The following AUTS2 variants were observed in gnomAD, a reference collection of about 807,000 sequenced individuals.
AUTS2 encodes the protein autism susceptibility gene 2 protein.
A neutral mutation model predicts 112.4 loss-of-function variants in AUTS2; 17 were observed. The ratio of observed to expected loss-of-function variants is 0.15; its 90% confidence interval spans 0.10 to 0.23. AUTS2 has a LOEUF of 0.23. Among genes scored for constraint, AUTS2 ranks in the 10% least tolerant of loss-of-function variants. The probability of loss-of-function intolerance (pLI) is 1.00; values close to 1 mark genes in which losing one functional copy is unlikely to be tolerated. For missense variants in AUTS2, 1,510 were observed against 1,701.6 expected, an observed-to-expected ratio of 0.89 and a Z score of 1.98; for synonymous variants, 751 against 702.7, an observed-to-expected ratio of 1.07 and a Z score of -1.09.
chr7:69,706,364 T>C (rs1041015679), intron 1 of AUTS2, among the ~76,000 whole-genome samples: 3 of 152,042 alleles, frequency 2.0e-5, no homozygotes, highest in Non-Finnish European at 2.9e-5. Context: ...GTTCTGTTAG[T>C]AAGTGAGGGG....
At chr7:69,655,947 A>G (rs1043799094) in intron 1 of AUTS2, among the ~76,000 whole-genome samples, 4 of 152,188 alleles carry the variant, frequency 2.6e-5, no homozygotes, top group Admixed American at 2.6e-4. Context: ...AGGCATGGGG[A>G]CAGAAACCTT....
intron 1 of AUTS2, among the ~76,000 whole-genome samples, chr7:69,747,681 C>T (rs1445779497): frequency 5.9e-5 from 9 of 152,036 alleles, no homozygotes; most frequent in Admixed American, 4.6e-4. Context: ...ACCGCATGAG[C>T]TGCTTGGAGT....
At chr7:69,994,259 C>T (rs1018767149) in intron 2 of AUTS2, among the ~76,000 whole-genome samples, 23 of 152,148 alleles carry the variant, frequency 1.5e-4, no homozygotes, top group Non-Finnish European at 2.9e-4. Flanking sequence ...AATTGGTTTT[C>T]TAAGTTAAAG....
intron 5 of AUTS2, among the ~76,000 whole-genome samples, chr7:70,487,721 C>T (rs979559675): frequency 2.0e-5 from 3 of 152,044 alleles, no homozygotes; most frequent in South Asian, 4.1e-4. Flanking sequence ...GGACTGGAGG[C>T]GTGCTGACAA....
chr7:70,441,102 A>C (rs185260369), intron 5 of AUTS2, among the ~76,000 whole-genome samples: 59 of 152,318 alleles, frequency 3.9e-4, no homozygotes, highest in Middle Eastern at 6.8e-3. Flanking sequence ...ATGTCTGTAG[A>C]TACCGGGCAT....
At chr7:69,760,060 AT>A (rs2129284234) in intron 1 of AUTS2, among the ~76,000 whole-genome samples, 1 of 151,854 alleles carries the variant, frequency 6.6e-6, no homozygotes, top group Non-Finnish European at 1.5e-5. Flanking sequence ...ATTTTCTTCC[AT>A]TGTATAGTAT....
chr7:70,469,929 C>G (rs933525911), intron 5 of AUTS2, among the ~76,000 whole-genome samples: 10 of 152,142 alleles, frequency 6.6e-5, no homozygotes, highest in Non-Finnish European at 8.8e-5. Context: ...CATGAGCCAC[C>G]GCGCCCAGCC....
chr7:70,707,255 G>A (rs1809789375), intron 6 of AUTS2, among the ~76,000 whole-genome samples: 1 of 152,188 alleles, frequency 6.6e-6, no homozygotes, highest in Non-Finnish European at 1.5e-5. Context: ...AGTTAGATAT[G>A]AATAGCTAGC....
intron 4 of AUTS2, among the ~76,000 whole-genome samples, chr7:70,284,918 T>C (rs929447639): frequency 1.3e-5 from 2 of 152,242 alleles, no homozygotes; most frequent in Admixed American, 6.5e-5. Context: ...CTTTCTGAGA[T>C]GCAGGGATTT....
intron 2 of AUTS2, among the ~76,000 whole-genome samples, chr7:69,977,767 GT>G (rs1317463178): frequency 2.0e-5 from 3 of 152,120 alleles, no homozygotes; most frequent in East Asian, 3.9e-4. Flanking sequence ...ACATTACTGG[GT>G]TTCTGTTTTT....
chr7:69,917,321 A>T (rs1410244534), intron 2 of AUTS2, among the ~76,000 whole-genome samples: 2 of 132,238 alleles, frequency 1.5e-5, no homozygotes, highest in East Asian at 4.3e-4. Context: ...TCCTAATCCC[A>T]TGCCCCTATC....
At chr7:70,070,558 G>A (rs1016119855) in intron 2 of AUTS2, among the ~76,000 whole-genome samples, 5 of 151,340 alleles carry the variant, frequency 3.3e-5, no homozygotes, top group Admixed American at 1.3e-4. Flanking sequence ...CAGCCTGGGC[G>A]ATAAGCAAGA....
rs117935224 is a variant in AUTS2 at position 70,622,000 on chromosome 7, C to T, written c.691-76569C>T. Among the ~76,000 whole-genome samples the T allele has an allele frequency of 3.3e-3, 495 of 151,826 alleles. 10 individuals are homozygous for T. The East Asian group carries it at 0.048, about 15-fold the overall frequency. On this transcript the variant is annotated intron_variant, in intron 5 of 18. Coordinates refer to ENST00000342771, the MANE Select transcript of AUTS2 (RefSeq NM_015570.4). ...TAACTGGGACTACAGGTGTGCGTCA[C>T]GACACCCGGCTAATTGGTGTATTTT...
intron 1 of AUTS2, among the ~76,000 whole-genome samples, chr7:69,656,263 C>A (rs903548491): frequency 5.3e-5 from 8 of 152,192 alleles, no homozygotes; most frequent in Admixed American, 4.6e-4. Context: ...ACCCCTAGAT[C>A]TCCTGGAAAG....
chr7:70,630,378 G>C (rs183873303), intron 5 of AUTS2, among the ~76,000 whole-genome samples: 1 of 152,304 alleles, frequency 6.6e-6, no homozygotes, highest in African/African-American at 2.4e-5. Flanking sequence ...ACTGAGCCCT[G>C]CTGCCAGGAA....
At chr7:70,301,987 A>G (rs1044284135) in intron 4 of AUTS2, among the ~76,000 whole-genome samples, 12 of 151,650 alleles carry the variant, frequency 7.9e-5, no homozygotes, top group African/African-American at 2.7e-4. Flanking sequence ...CATATTGCCC[A>G]GGCTTATCTG....
chr7:70,052,769 T>C (rs966691850), intron 2 of AUTS2, among the ~76,000 whole-genome samples: 2 of 152,158 alleles, frequency 1.3e-5, no homozygotes, highest in Non-Finnish European at 2.9e-5. Flanking sequence ...TACCATCCTA[T>C]CCCAGCATTT....
intron 1 of AUTS2, among the ~76,000 whole-genome samples, chr7:69,869,057 TTGACC>T: frequency 6.6e-6 from 1 of 152,318 alleles, no homozygotes; most frequent in South Asian, 2.1e-4. Flanking sequence ...TCAGCCACCG[TTGACC>T]TGTGAGTTTG....
intron 5 of AUTS2, among the ~76,000 whole-genome samples, chr7:70,450,280 A>G (rs1452690346): frequency 6.6e-6 from 1 of 152,216 alleles, no homozygotes; most frequent in East Asian, 1.9e-4. Context: ...TACCTAGATG[A>G]ATTACAAGAC....
Sources: gnomAD v4.1 joint callset for allele counts (sites outside exome capture counted in the v4.1 genomes callset) on GRCh38, gnomAD v4.1.1 for gene constraint, MANE v1.5 for transcripts, NCBI Gene and HGNC (gene_info 2026-07-23, HGNC 2026-07-21) for gene names.